The following SYNPR variants were observed in gnomAD, a reference collection of about 807,000 sequenced individuals.
SYNPR encodes synaptoporin.
A neutral mutation model predicts 32.9 loss-of-function variants in SYNPR; 23 were observed. The observed-to-expected ratio is 0.70, with a 90% CI of 0.50 to 0.99. The LOEUF is 0.99. SYNPR is among the 50% of genes least tolerant of loss of function. The pLI, the probability that SYNPR is intolerant of heterozygous loss-of-function variation, is 0.00. For missense variants in SYNPR, 318 were observed against 349.3 expected (o/e 0.91, Z 0.71); for synonymous variants, 146 against 135.9 (o/e 1.07, Z -0.52).
At chr3:63,432,116 C>T (rs1311834184) in intron 2 of SYNPR, among the ~76,000 whole-genome samples, 1 of 152,168 alleles carries the variant, frequency 6.6e-6, no homozygotes, top group Non-Finnish European at 1.5e-5. Flanking sequence ...ACCTCTGAAG[C>T]ATGTTCACAC....
intron 3 of SYNPR, among the ~76,000 whole-genome samples, chr3:63,508,651 C>A (rs1701635885): frequency 6.6e-6 from 1 of 152,134 alleles, no homozygotes; most frequent in African/African-American, 2.4e-5. Context: ...AGTAATATGA[C>A]TGGCCTGGTT....
intron 2 of SYNPR, among the ~76,000 whole-genome samples, chr3:63,329,308 C>G (rs2087200333): frequency 1.3e-5 from 2 of 152,262 alleles, no homozygotes; most frequent in East Asian, 3.9e-4. Context: ...AGCTACTCTT[C>G]TTAGCCCTAT....
At chr3:63,578,689 C>A (rs981025569) in intron 4 of SYNPR, among the ~76,000 whole-genome samples, 6 of 152,054 alleles carry the variant, frequency 3.9e-5, no homozygotes, top group Non-Finnish European at 7.4e-5. Context: ...CATCCCTAAC[C>A]AAAGAGAAAG....
chr3:63,339,524 A>C (rs984358063), intron 2 of SYNPR, among the ~76,000 whole-genome samples: 1 of 152,192 alleles, frequency 6.6e-6, no homozygotes, highest in African/African-American at 2.4e-5. Flanking sequence ...TATCTTTTTC[A>C]GATTTCTCCA....
chr3:63,355,841 A>C (rs1372370221), intron 2 of SYNPR, among the ~76,000 whole-genome samples: 2 of 152,190 alleles, frequency 1.3e-5, no homozygotes, highest in East Asian at 1.9e-4. Context: ...AAAATAACTT[A>C]TCAGTTCCTC....
chr3:63,391,563 T>C (rs890436448), intron 2 of SYNPR, among the ~76,000 whole-genome samples: 1 of 152,204 alleles, frequency 6.6e-6, no homozygotes, highest in Non-Finnish European at 1.5e-5. Flanking sequence ...ACACAAAATA[T>C]ATACATGTAT....
At chr3:63,517,402 T>C (rs1381028998) in intron 3 of SYNPR, among the ~76,000 whole-genome samples, 1 of 152,100 alleles carries the variant, frequency 6.6e-6, no homozygotes, top group Non-Finnish European at 1.5e-5. Context: ...AAATATACTT[T>C]AAGAAGTAGA....
chr3:63,490,638 T>C (rs1050245876), intron 3 of SYNPR, among the ~76,000 whole-genome samples: 7 of 152,124 alleles, frequency 4.6e-5, no homozygotes, highest in Non-Finnish European at 1.0e-4. Flanking sequence ...AGTTTTTCCA[T>C]CACTTTTCTC....
At chr3:63,533,669 AAACT>A (rs1702150281) in intron 3 of SYNPR, among the ~76,000 whole-genome samples, 1 of 152,188 alleles carries the variant, frequency 6.6e-6, no homozygotes. Context: ...TGTACAGTGG[AAACT>A]AACAAATTGC....
intron 2 of SYNPR, among the ~76,000 whole-genome samples, chr3:63,393,491 C>CT (rs1482584312): frequency 9.4e-5 from 11 of 116,636 alleles, no homozygotes; most frequent in African/African-American, 4.2e-4. Flanking sequence ...TTCTTTCTTT[C>CT]TTCTCTTTTT....
At chr3:63,339,610 A>C (rs2087337581) in intron 2 of SYNPR, among the ~76,000 whole-genome samples, 1 of 150,992 alleles carries the variant, frequency 6.6e-6, no homozygotes, top group Non-Finnish European at 1.5e-5. Flanking sequence ...AGGTTCATGT[A>C]TTCACCACTA....
At chr3:63,553,784 C>T (rs988521228) in intron 3 of SYNPR, among the ~76,000 whole-genome samples, 2 of 152,124 alleles carry the variant, frequency 1.3e-5, no homozygotes, top group Non-Finnish European at 1.5e-5. Context: ...TGCAATGGCG[C>T]GATCTCGGCT....
At chr3:63,318,356 C>A (rs2087067127) in intron 2 of SYNPR, among the ~76,000 whole-genome samples, 1 of 151,986 alleles carries the variant, frequency 6.6e-6, no homozygotes, top group African/African-American at 2.4e-5. Flanking sequence ...GTTTTCCAAG[C>A]TTTTAGAATT....
At chr3:63,534,358 T>A (rs978124099) in intron 3 of SYNPR, among the ~76,000 whole-genome samples, 22 of 152,160 alleles carry the variant, frequency 1.4e-4, no homozygotes, top group Non-Finnish European at 3.1e-4. Flanking sequence ...ATGAATAAAC[T>A]GGTTTTGTTT....
intron 2 of SYNPR, among the ~76,000 whole-genome samples, chr3:63,402,754 A>T (rs1446760203): frequency 1.3e-5 from 2 of 152,210 alleles, no homozygotes; most frequent in African/African-American, 2.4e-5. Flanking sequence ...TTACTGCTAT[A>T]TCCCCAGTTC....
intron 2 of SYNPR, among the ~76,000 whole-genome samples, chr3:63,349,382 G>C (rs2087477326): frequency 6.6e-6 from 1 of 152,280 alleles, no homozygotes; most frequent in Non-Finnish European, 1.5e-5. Flanking sequence ...TTACAGGCGC[G>C]AGCCACCGCG....
chr3:63,306,773 T>G (rs1486440853), intron 2 of SYNPR, among the ~76,000 whole-genome samples: 1 of 152,018 alleles, frequency 6.6e-6, no homozygotes, highest in East Asian at 1.9e-4. Flanking sequence ...GGGAGGCAGG[T>G]GAAGTTAATC....
chr3:63,264,791 G>A (rs1274359652), intron 2 of SYNPR, among the ~76,000 whole-genome samples: 5 of 152,130 alleles, frequency 3.3e-5, no homozygotes, highest in African/African-American at 9.7e-5. Context: ...AGGAGAGGCA[G>A]GCACTTTCCT....
At chr3:63,613,684 G>C (rs1237544) in intron 5 of SYNPR, among the ~76,000 whole-genome samples, 2 of 138,584 alleles carry the variant, frequency 1.4e-5, no homozygotes, top group Non-Finnish European at 3.0e-5. Flanking sequence ...AAATGATTCA[G>C]AGCATAGTTT....
Sources: gnomAD v4.1 joint callset for allele counts (sites outside exome capture counted in the v4.1 genomes callset) on GRCh38, gnomAD v4.1.1 for gene constraint, MANE v1.5 for transcripts, NCBI Gene and HGNC (gene_info 2026-07-23, HGNC 2026-07-21) for gene names.